DPP10: variants seen among roughly 807,000 people sequenced by gnomAD.
DPP10 encodes the protein inactive dipeptidyl peptidase 10.
In DPP10, 33 loss-of-function variants were observed where a neutral mutation model predicts 120.9. That is an observed-to-expected ratio of 0.27 (90% CI 0.21 to 0.37). DPP10 has a LOEUF of 0.37. Ranked by LOEUF, DPP10 falls within the 10% of genes least tolerant of loss-of-function variation. The pLI, the probability that DPP10 is intolerant of heterozygous loss-of-function variation, is 1.00. For synonymous variants in DPP10, 337 were observed against 326.1 expected, an observed-to-expected ratio of 1.03 and a Z score of -0.36; for missense variants, 816 against 942.8, an observed-to-expected ratio of 0.87 and a Z score of 1.76.
intron 1 of DPP10, among the ~76,000 whole-genome samples, chr2:114,761,842 G>C (rs185316254): frequency 6.6e-6 from 1 of 152,142 alleles, no homozygotes; most frequent in Admixed American, 6.5e-5. Flanking sequence ...AATTCCAAGT[G>C]AGGGCTCTGA....
At position 115,124,849 on chromosome 2, in the gene DPP10, A is replaced by G. The variant is rs188501537; in HGVS notation, c.61-184390A>G. 3.3e-4 allele frequency among the ~76,000 whole-genome samples: 50 copies of G among 152,340 alleles called. 1 individual carries two copies. The East Asian group carries it at 9.3e-3, about 28-fold the overall frequency. ...TATAGAATAAACCCATTATAAATAA[A>G]TGAACTAAAAAAATAACTGTGGAGT... On this transcript the variant is annotated intron_variant, in intron 1 of 25. Coordinates refer to ENST00000410059, the MANE Select transcript of DPP10 (RefSeq NM_020868.6).
intron 1 of DPP10, among the ~76,000 whole-genome samples, chr2:114,996,327 A>G (rs973078203): frequency 1.8e-4 from 28 of 152,206 alleles, no homozygotes; most frequent in African/African-American, 6.5e-4. Flanking sequence ...AGACTGTAGC[A>G]TATAGATATA....
At chr2:114,942,070 G>A (rs923559104) in intron 1 of DPP10, among the ~76,000 whole-genome samples, 3 of 151,312 alleles carry the variant, frequency 2.0e-5, no homozygotes, top group African/African-American at 7.3e-5. Flanking sequence ...TCAGGAGATC[G>A]AGACCATCCT....
intron 1 of DPP10, among the ~76,000 whole-genome samples, chr2:115,251,954 T>C (rs993876276): frequency 3.3e-5 from 5 of 152,216 alleles, no homozygotes; most frequent in Non-Finnish European, 7.3e-5. Context: ...AAAAAACCTG[T>C]GTTGAAAATT....
intron 1 of DPP10, among the ~76,000 whole-genome samples, chr2:115,258,006 T>C (rs1440638338): frequency 2.0e-5 from 3 of 152,194 alleles, no homozygotes; most frequent in Non-Finnish European, 4.4e-5. Flanking sequence ...TTATTTTCTC[T>C]TTTCCTCTAC....
At chr2:115,647,778 C>T (rs2087396381) in intron 5 of DPP10, among the ~76,000 whole-genome samples, 1 of 152,158 alleles carries the variant, frequency 6.6e-6, no homozygotes, top group Non-Finnish European at 1.5e-5. Context: ...GCAAGCCTCC[C>T]TAACACTGAG....
intron 5 of DPP10, among the ~76,000 whole-genome samples, chr2:115,534,649 T>C (rs1575116187): frequency 6.6e-6 from 1 of 151,912 alleles, no homozygotes; most frequent in Non-Finnish European, 1.5e-5. Context: ...CTGGATCAAA[T>C]GGTATTTCTA....
intron 1 of DPP10, among the ~76,000 whole-genome samples, chr2:115,197,069 T>C (rs2055329696): frequency 6.6e-6 from 1 of 152,058 alleles, no homozygotes; most frequent in Admixed American, 6.5e-5. Flanking sequence ...TAATGGAATA[T>C]TGAGGAAAGG....
chr2:114,704,206 G>A (rs1700552851), intron 1 of DPP10, among the ~76,000 whole-genome samples: 1 of 152,156 alleles, frequency 6.6e-6, no homozygotes, highest in Admixed American at 6.6e-5. Flanking sequence ...AGCTGTAATT[G>A]TGCTGGTGAT....
At chr2:114,753,825 C>T (rs969935758) in intron 1 of DPP10, among the ~76,000 whole-genome samples, 2 of 138,010 alleles carry the variant, frequency 1.4e-5, no homozygotes, top group African/African-American at 5.4e-5. Context: ...AGGAGAATGG[C>T]ATGAACCCGG....
In DPP10 at chr2:115,831,534, G is replaced by A. The variant is rs140786530; in HGVS notation, c.1951-4623G>A. ...ATTACAGGCTTGAGCCACCATGTCCGGCCCAAATAACCTCTTGTAAAATCC... is the reference window on the plus strand; with the variant it reads ...ATTACAGGCTTGAGCCACCATGTCCAGCCCAAATAACCTCTTGTAAAATCC... On this transcript the variant is annotated intron_variant, in intron 21 of 25. Coordinates refer to ENST00000410059, the MANE Select transcript of DPP10 (RefSeq NM_020868.6). Among the ~76,000 whole-genome samples the A allele has an allele frequency of 7.2e-4, 109 of 152,144 alleles. 1 individual carries two copies. The highest frequency in any genetic ancestry group is 2.6e-3 in the African/African-American group (107 of 41,508).
At chr2:114,671,210 A>G (rs1290349818) in intron 1 of DPP10, among the ~76,000 whole-genome samples, 1 of 152,184 alleles carries the variant, frequency 6.6e-6, no homozygotes, top group Non-Finnish European at 1.5e-5. Context: ...TGAAAAGACT[A>G]AAGACTTAGG....
chr2:114,567,175 A>G (rs2104985985), intron 1 of DPP10, among the ~76,000 whole-genome samples: 1 of 152,258 alleles, frequency 6.6e-6, no homozygotes, highest in East Asian at 1.9e-4. Context: ...TTTCTTATAA[A>G]CACCCTTATG....
At chr2:115,511,454 AT>A (rs1233039442) in intron 4 of DPP10, among the ~76,000 whole-genome samples, 16 of 151,698 alleles carry the variant, frequency 1.1e-4, no homozygotes, top group African/African-American at 3.6e-4. Context: ...GAATCTTGTT[AT>A]TTTTTCTCAT....
intron 1 of DPP10, among the ~76,000 whole-genome samples, chr2:114,907,104 T>G (rs1198101426): frequency 1.3e-5 from 2 of 151,986 alleles, no homozygotes; most frequent in Non-Finnish European, 2.9e-5. Flanking sequence ...ATCCTAATTT[T>G]GACTTACAGT....
intron 3 of DPP10, among the ~76,000 whole-genome samples, chr2:115,481,321 A>G (rs1307484372): frequency 3.3e-5 from 5 of 152,150 alleles, no homozygotes; most frequent in Non-Finnish European, 7.4e-5. Flanking sequence ...ATTATCATTT[A>G]ATAGTGACTC....
At chr2:115,737,537 C>T (rs1203322453) in intron 8 of DPP10, among the ~76,000 whole-genome samples, 2 of 152,108 alleles carry the variant, frequency 1.3e-5, no homozygotes, top group Non-Finnish European at 2.9e-5. Context: ...CCCAAAGGCT[C>T]CACACAGCAT....
chr2:114,622,590 T>A (rs1364253499), intron 1 of DPP10, among the ~76,000 whole-genome samples: 1 of 152,114 alleles, frequency 6.6e-6, no homozygotes, highest in Non-Finnish European at 1.5e-5. Flanking sequence ...AGGGCTGAAA[T>A]CTTCCCATCA....
chr2:115,064,463 G>A (rs1002567427), intron 1 of DPP10: 20 of 243,982 alleles, frequency 8.2e-5, no homozygotes, highest in South Asian at 3.7e-4. Flanking sequence ...GCTCAGAACC[G>A]TGTGCCCAAA....
Sources: gnomAD v4.1 joint callset for allele counts (sites outside exome capture counted in the v4.1 genomes callset) on GRCh38, gnomAD v4.1.1 for gene constraint, MANE v1.5 for transcripts, NCBI Gene and HGNC (gene_info 2026-07-23, HGNC 2026-07-21) for gene names.